CNTNAP2: variants seen among roughly 807,000 people sequenced by gnomAD.
CNTNAP2 encodes the protein contactin associated protein 2, also known as contactin-associated protein-like 2.
CNTNAP2 carries 98 observed loss-of-function variants against 155.2 expected under a neutral mutation model. The observed-to-expected ratio is 0.63, with a 90% CI of 0.54 to 0.75. The LOEUF is 0.75. Ranked by LOEUF, CNTNAP2 falls within the 30% of genes least tolerant of loss-of-function variation. The pLI is 0.00. For synonymous variants in CNTNAP2, 651 were observed against 631.2 expected (o/e 1.03, Z -0.47); for missense variants, 1,727 against 1,688.1 (o/e 1.02, Z -0.40).
intron 20 of CNTNAP2, among the ~76,000 whole-genome samples, chr7:148,264,390 C>T (rs982847424): frequency 9.9e-5 from 15 of 151,650 alleles, no homozygotes; most frequent in African/African-American, 3.2e-4. Context: ...TTTTCTATAA[C>T]GAACGTATAT....
At chr7:146,768,086 A>G (rs1275836266) in intron 1 of CNTNAP2, among the ~76,000 whole-genome samples, 1 of 152,082 alleles carries the variant, frequency 6.6e-6, no homozygotes, top group African/African-American at 2.4e-5. Context: ...TTAAAGAAAA[A>G]TGTGATATGT....
chr7:147,075,873 C>A (rs1465374221), intron 4 of CNTNAP2, among the ~76,000 whole-genome samples: 1 of 152,044 alleles, frequency 6.6e-6, no homozygotes, highest in Non-Finnish European at 1.5e-5. Context: ...TGAGTGAGAA[C>A]ATGTGGTGTT....
chr7:146,594,069 G>T (rs1207626826), intron 1 of CNTNAP2, among the ~76,000 whole-genome samples: 1 of 152,124 alleles, frequency 6.6e-6, no homozygotes, highest in Non-Finnish European at 1.5e-5. Flanking sequence ...AGTTTAAACA[G>T]AATTCCTCCT....
At chr7:147,731,604 A>G (rs1014469050) in intron 13 of CNTNAP2, among the ~76,000 whole-genome samples, 4 of 152,154 alleles carry the variant, frequency 2.6e-5, no homozygotes, top group African/African-American at 9.7e-5. Context: ...ATGCATGCTA[A>G]CACAACGTCT....
intron 1 of CNTNAP2, among the ~76,000 whole-genome samples, chr7:146,283,543 C>T (rs2129085229): frequency 6.6e-6 from 1 of 152,000 alleles, no homozygotes; most frequent in East Asian, 1.9e-4. Context: ...GGTTCCAGAT[C>T]ATTTTAAAGA....
intron 8 of CNTNAP2, among the ~76,000 whole-genome samples, chr7:147,189,983 A>T (rs1386431678): frequency 6.6e-6 from 1 of 152,052 alleles, no homozygotes; most frequent in Non-Finnish European, 1.5e-5. Flanking sequence ...TGACCTCGTG[A>T]TCCACCCGCC....
At chr7:147,562,966 A>C (rs1193914164) in intron 12 of CNTNAP2, among the ~76,000 whole-genome samples, 1 of 152,174 alleles carries the variant, frequency 6.6e-6, no homozygotes, top group Admixed American at 6.5e-5. Context: ...CCAGCATTTG[A>C]TGTGAACTCC....
chr7:147,619,384 T>C (rs1311935155), intron 12 of CNTNAP2, among the ~76,000 whole-genome samples: 2 of 152,246 alleles, frequency 1.3e-5, no homozygotes, highest in Admixed American at 1.3e-4. Flanking sequence ...TGTTTTGTTC[T>C]AGATGGTGGA....
chr7:146,195,628 G>T (rs966828086), intron 1 of CNTNAP2, among the ~76,000 whole-genome samples: 1 of 152,110 alleles, frequency 6.6e-6, no homozygotes, highest in Non-Finnish European at 1.5e-5. Flanking sequence ...AAATTTTGAA[G>T]GGTGCAAACT....
chr7:147,883,216 A>C (rs1224198021), intron 13 of CNTNAP2, among the ~76,000 whole-genome samples: 2 of 152,150 alleles, frequency 1.3e-5, no homozygotes, highest in South Asian at 4.1e-4. Flanking sequence ...AGCTGACTGC[A>C]TACTGAAGTC....
At chr7:148,061,705 G>C (rs573199615) in intron 15 of CNTNAP2, among the ~76,000 whole-genome samples, 1 of 151,934 alleles carries the variant, frequency 6.6e-6, no homozygotes. Flanking sequence ...AAACCAGAAT[G>C]GGGGAGGAAA....
intron 1 of CNTNAP2, among the ~76,000 whole-genome samples, chr7:146,760,914 C>T (rs1005199097): frequency 7.2e-5 from 11 of 152,128 alleles, no homozygotes; most frequent in African/African-American, 2.7e-4. Context: ...TTCACATTTA[C>T]TGCATGACAT....
At chr7:146,362,795 G>A (rs955617815) in intron 1 of CNTNAP2, among the ~76,000 whole-genome samples, 4 of 128,906 alleles carry the variant, frequency 3.1e-5, no homozygotes, top group South Asian at 2.5e-4. Context: ...TTTTTGAGAC[G>A]GAGTCTCGCT....
At chr7:148,362,591 C>T (rs1182161305) in intron 21 of CNTNAP2, among the ~76,000 whole-genome samples, 1 of 152,216 alleles carries the variant, frequency 6.6e-6, no homozygotes, top group Non-Finnish European at 1.5e-5. Context: ...CTAGCCATCT[C>T]CCATTCTTCC....
Position 148,278,962 on chromosome 7 carries a change from G to A in CNTNAP2, c.3475+11836G>A, listed in dbSNP as rs536614446. On this transcript the variant is annotated intron_variant, in intron 21 of 23. Transcript: ENST00000361727. ...TCCAAAGGCTGTGAGGTAGGGACACGCCTGGCTTGTTCAAGGACAGGAAGA... is the reference window on the plus strand; with the variant it reads ...TCCAAAGGCTGTGAGGTAGGGACACACCTGGCTTGTTCAAGGACAGGAAGA... 3.9e-5 allele frequency among the ~76,000 whole-genome samples: 6 copies of A among 152,278 alleles called. No homozygotes were observed. The South Asian group carries it at 8.3e-4, about 21-fold the overall frequency.
chr7:146,889,581 A>C (rs1795737201), intron 3 of CNTNAP2, among the ~76,000 whole-genome samples: 1 of 152,090 alleles, frequency 6.6e-6, no homozygotes, highest in African/African-American at 2.4e-5. Context: ...TGGTCTTCTT[A>C]TTTTAAATAA....
At chr7:147,871,956 T>A (rs1312572205) in intron 13 of CNTNAP2, among the ~76,000 whole-genome samples, 1 of 152,222 alleles carries the variant, frequency 6.6e-6, no homozygotes. Context: ...AATGCTTTTT[T>A]CGTACGTGTT....
At chr7:147,267,412 T>A (rs1410831856) in intron 8 of CNTNAP2, among the ~76,000 whole-genome samples, 3 of 152,216 alleles carry the variant, frequency 2.0e-5, no homozygotes, top group African/African-American at 7.2e-5. Context: ...ATAAGATTAA[T>A]TAATTTAACT....
chr7:147,916,081 C>A (rs1800155683), intron 14 of CNTNAP2, among the ~76,000 whole-genome samples: 1 of 152,126 alleles, frequency 6.6e-6, no homozygotes, highest in Admixed American at 6.5e-5. Context: ...TGGGGATGAA[C>A]TAAAAAACTT....
Sources: gnomAD v4.1 joint callset for allele counts (sites outside exome capture counted in the v4.1 genomes callset) on GRCh38, gnomAD v4.1.1 for gene constraint, MANE v1.5 for transcripts, NCBI Gene and HGNC (gene_info 2026-07-23, HGNC 2026-07-21) for gene names.